The following MTFMT variants were observed in gnomAD, a reference collection of about 807,000 sequenced individuals.
MTFMT encodes methionyl-tRNA formyltransferase, mitochondrial.
A neutral mutation model predicts 51.8 loss-of-function variants in MTFMT; 47 were observed. The observed-to-expected ratio is 0.91, with a 90% CI of 0.72 to 1.16. The LOEUF (loss-of-function observed/expected upper bound fraction) is 1.16, where lower values mean the gene tolerates loss of function less well. MTFMT is among the 50% of genes most tolerant of loss of function. The probability of loss-of-function intolerance (pLI) is 0.00; values close to 1 mark genes in which losing one functional copy is unlikely to be tolerated. For missense variants in MTFMT, 512 were observed against 482.3 expected (o/e 1.06, Z -0.58); for synonymous variants, 196 against 176.7 (o/e 1.11, Z -0.87).
chr15:65,029,487 G>T lies in MTFMT; in HGVS notation c.127C>A (p.Arg43Ser). ...AGCACCCGCCAGGGAGGCTTCTCGC[G>T]GACTCTGGAGTCCCGGCAGTCCTCC... is the stretch of plus-strand genomic sequence containing the variant. ...GWEDCRDSRV[R>S]EKPPWRVLFF... Residue 43 changes from arginine to serine, a missense_variant, in exon 1 of 9, where the codon CGC becomes AGC. By Grantham distance (110) the Arg-to-Ser change is moderately radical. Coordinates refer to ENST00000220058, the MANE Select transcript of MTFMT (RefSeq NM_139242.4). 6.5e-7 allele frequency: 1 copy of T among 1,533,780 alleles called. No individual in the cohort carries two copies. Among genetic ancestry groups the T allele is most frequent in the Non-Finnish European group, 8.8e-7 (1 of 1,141,854 alleles).
chr15:65,018,439 T>C (rs1417171104), intron 5 of MTFMT, among the ~76,000 whole-genome samples: 1 of 152,110 alleles, frequency 6.6e-6, no homozygotes, highest in Non-Finnish European at 1.5e-5. Context: ...TGTGAGAAAA[T>C]ATAAGGAAAA....
At chr15:65,016,087 T>A in intron 6 of MTFMT, 1 of 160,140 alleles carries the variant, frequency 6.2e-6, no homozygotes, top group East Asian at 1.8e-4. Flanking sequence ...AAGCACAGGA[T>A]TAGGAGTGAG....
At chr15:65,014,412 C>A (rs564970729) in intron 6 of MTFMT, among the ~76,000 whole-genome samples, 13 of 150,992 alleles carry the variant, frequency 8.6e-5, no homozygotes, top group Admixed American at 4.0e-4. Context: ...TAACCTCCAC[C>A]TCCTGGGTTC....
chr15:65,007,622 A>G (rs2086229499), intron 6 of MTFMT, among the ~76,000 whole-genome samples: 1 of 152,208 alleles, frequency 6.6e-6, no homozygotes, highest in Admixed American at 6.5e-5. Flanking sequence ...CAGCATCAAC[A>G]TTTTATTGCT....
At chr15:65,026,422 G>C (rs779912300) in intron 2 of MTFMT, 4 of 232,344 alleles carry the variant, frequency 1.7e-5, no homozygotes, top group Non-Finnish European at 3.6e-5. Flanking sequence ...GATTGGTCTT[G>C]CTTTTGGTGG....
rs747048541 is a variant in MTFMT at position 65,026,947 on chromosome 15, C to A, written c.303G>T (p.Val101=). The change falls in exon 2 of 9, where the codon GTG becomes GTT. Residue 101 remains valine, a synonymous_variant. Transcript: ENST00000220058. ...PKGLPVKQYA[V]QSQLPVYEWP... ...ACTCATATACGGGAAGCTGAGACTGCACAGCATATTGCTTCACTGGCAGTC... is the reference window on the plus strand; with the variant it reads ...ACTCATATACGGGAAGCTGAGACTGAACAGCATATTGCTTCACTGGCAGTC... The A allele has an allele frequency of 1.2e-6, 2 of 1,614,000 alleles. No homozygotes were observed. Among genetic ancestry groups the A allele is most frequent in the Non-Finnish European group, 1.7e-6 (2 of 1,179,890 alleles).
Position 65,026,819 on chromosome 15 carries a change from A to G in MTFMT, c.419+12T>C. 1 of 1,611,366 alleles carries G rather than the reference A, an allele frequency of 6.2e-7. No individual in the cohort carries two copies. Among genetic ancestry groups the G allele is most frequent in the East Asian group, 2.2e-5 (1 of 44,866 alleles). On this transcript the variant is annotated intron_variant, in intron 2 of 8. Transcript: ENST00000220058. ...GGTTTCTATACTGTATTTCCTTACA[A>G]ATAAAACTTACTAGGGAAATTTAAG...
intron 1 of MTFMT, 77 bp from the exon 2 acceptor site, chr15:65,027,117 G>T: frequency 2.0e-6 from 2 of 996,798 alleles, no homozygotes; most frequent in Non-Finnish European, 3.1e-6. Flanking sequence ...ATATCGCTAA[G>T]TATGTTTATG....
intron 5 of MTFMT, among the ~76,000 whole-genome samples, chr15:65,019,228 A>G (rs55967725): frequency 0.017 from 2,534 of 152,290 alleles, 29 homozygotes; most frequent in Admixed American, 0.024. Flanking sequence ...ACTTAGCTTC[A>G]CTTGCTTTAG....
chr15:65,022,982 C>T (rs1192949842), intron 3 of MTFMT, among the ~76,000 whole-genome samples: 2 of 152,138 alleles, frequency 1.3e-5, no homozygotes, highest in South Asian at 2.1e-4. Flanking sequence ...AGCCACCATG[C>T]CTGGCTCAGA....
intron 6 of MTFMT, among the ~76,000 whole-genome samples, chr15:65,007,429 A>G (rs554429214): frequency 6.4e-4 from 98 of 152,300 alleles, no homozygotes; most frequent in African/African-American, 2.2e-3. Flanking sequence ...ACAGTAACCC[A>G]TTTTATGAAT....
intron 6 of MTFMT, among the ~76,000 whole-genome samples, chr15:65,014,545 C>T (rs754220466): frequency 2.6e-5 from 4 of 151,606 alleles, no homozygotes; most frequent in Non-Finnish European, 5.9e-5. Context: ...AGGCTGGTCT[C>T]GAACTCCTGA....
At chr15:65,022,088 C>T (rs1414208438) in intron 3 of MTFMT, among the ~76,000 whole-genome samples, 5 of 152,136 alleles carry the variant, frequency 3.3e-5, no homozygotes, top group Admixed American at 2.6e-4. Context: ...CATGGAAGTA[C>T]AGTTAGGAAG....
chr15:65,009,765 T>C lies in MTFMT; in HGVS notation c.814-3574A>G, dbSNP rs183899983. 8.7e-3 allele frequency among the ~76,000 whole-genome samples: 1,328 copies of C among 152,182 alleles called. 10 individuals are homozygous for C. Among genetic ancestry groups the C allele is most frequent in the Non-Finnish European group, 8.5e-3 (580 of 67,986 alleles). On this transcript the variant is annotated intron_variant, in intron 6 of 8. Transcript: ENST00000220058. ...ACCTCCCAGGGTCAAGTGATCCTCC[T>C]ACCTCAGCCTCCCGAGTAGCTGGGA...
chr15:65,028,041 C>T (rs760063472), intron 1 of MTFMT, among the ~76,000 whole-genome samples: 26 of 152,214 alleles, frequency 1.7e-4, no homozygotes, highest in South Asian at 1.5e-3. Flanking sequence ...TGTATGTACA[C>T]GTTGAGGAGT....
intron 6 of MTFMT, chr15:65,016,137 T>TA (rs1249590744): frequency 5.7e-6 from 1 of 175,758 alleles, no homozygotes; most frequent in East Asian, 1.5e-4. Flanking sequence ...ACATTCCTGT[T>TA]AGTCATCTCA....
chr15:65,024,241 G>A (rs1043400124), intron 2 of MTFMT, among the ~76,000 whole-genome samples: 3 of 152,140 alleles, frequency 2.0e-5, no homozygotes, highest in African/African-American at 4.8e-5. Context: ...CAGGAGAATC[G>A]CTTGAACCTG....
At chr15:65,014,584 C>A (rs2086300849) in intron 6 of MTFMT, among the ~76,000 whole-genome samples, 1 of 151,438 alleles carries the variant, frequency 6.6e-6, no homozygotes, top group East Asian at 1.9e-4. Flanking sequence ...CCTCGGCCTC[C>A]CAAAGTGCTG....
Position 65,003,065 on chromosome 15 carries a change from C to A in MTFMT, c.1167G>T (p.Glu389Asp), listed in dbSNP as rs763482173. 1.3e-6 allele frequency: 2 copies of A among 1,558,944 alleles called. No homozygotes were observed. Among genetic ancestry groups the A allele is most frequent in the Non-Finnish European group, 1.7e-6 (2 of 1,149,658 alleles). The change falls in exon 9 of 9, where the codon GAG (glutamate) becomes GAT (aspartate). Residue 389 changes from glutamate to aspartate, a missense_variant. Physicochemically the swap from Glu to Asp is conservative, Grantham distance 45 (BLOSUM62 2). Transcript: ENST00000220058. Reference protein sequence around the residue: ...KKTVAMQQCIE With the variant: ...KKTVAMQQCID Reference sequence around the variant, plus strand: ...TTTTTATCCATCTTCTTCCTAACTACTCAATGCATTGTTGCATAGCAACAG... The same window carrying A: ...TTTTTATCCATCTTCTTCCTAACTAATCAATGCATTGTTGCATAGCAACAG...
Sources: allele counts gnomAD v4.1 joint callset (sites outside exome capture counted in the v4.1 genomes callset), GRCh38; gene constraint gnomAD v4.1.1; transcripts MANE v1.5; gene names NCBI Gene and HGNC (gene_info 2026-07-23, HGNC 2026-07-21).